The following IFT74 variants were observed in gnomAD, a reference collection of about 807,000 sequenced individuals.
IFT74 encodes intraflagellar transport 74, also known as intraflagellar transport protein 74 homolog.
In IFT74, 92 loss-of-function variants were observed where a neutral mutation model predicts 96.7. That is an observed-to-expected ratio of 0.95 (90% CI 0.80 to 1.13). The LOEUF (loss-of-function observed/expected upper bound fraction) is 1.13, where lower values mean the gene tolerates loss of function less well. Ranked by LOEUF, IFT74 falls within the 50% of genes most tolerant of loss-of-function variation. The pLI is 0.00. For missense variants in IFT74, 811 were observed against 698.2 expected (o/e 1.16, Z -1.82); for synonymous variants, 223 against 213.2 (o/e 1.05, Z -0.40).
At position 27,044,748 on chromosome 9, in the gene IFT74, T is replaced by A. The variant is rs1219617535; in HGVS notation, c.1061T>A (p.Met354Lys). The change falls in exon 14 of 20, where the codon ATG becomes AAG. Residue 354 changes from methionine to lysine, a missense_variant. Transcript: ENST00000380062. Reference protein sequence around the residue: ...DMDLEEHQGEMNQKYKELKKR... With the variant: ...DMDLEEHQGEKNQKYKELKKR... ...TATTTTATATCTCTCATAGGTGAAA[T>A]GAACCAGAAATACAAGGAGCTAAAG... 6.4e-7 allele frequency: 1 copy of A among 1,566,328 alleles called. No individual in the cohort carries two copies. Among genetic ancestry groups the A allele is most frequent in the Non-Finnish European group, 8.7e-7 (1 of 1,145,010 alleles).
chr9:27,033,930 AG>A (rs1830241345), intron 13 of IFT74, among the ~76,000 whole-genome samples: 1 of 152,184 alleles, frequency 6.6e-6, no homozygotes, highest in Non-Finnish European at 1.5e-5. Flanking sequence ...AGTTTTTGTC[AG>A]TCAAGATAAG....
chr9:27,052,507 CAAAAAAAAAAAAAA>C (rs1187027414), intron 16 of IFT74, among the ~76,000 whole-genome samples: 1 of 57,204 alleles, frequency 1.7e-5, no homozygotes, highest in Non-Finnish European at 3.5e-5. Flanking sequence ...AAATCTATCT[CAAAAAAAAAAAAAA>C]AAAAAAAAAG....
chr9:27,053,410 A>G (rs1820020091), intron 16 of IFT74, among the ~76,000 whole-genome samples: 1 of 152,164 alleles, frequency 6.6e-6, no homozygotes. Flanking sequence ...GCAAAGAGGC[A>G]AGGGATTTAT....
chr9:26,992,030 C>T (rs923556979), intron 8 of IFT74, among the ~76,000 whole-genome samples: 4 of 146,886 alleles, frequency 2.7e-5, no homozygotes, highest in African/African-American at 7.4e-5. Flanking sequence ...AGCGAGACTC[C>T]GTCTCAAAAA....
At chr9:27,000,662 C>G (rs1190690128) in intron 8 of IFT74, among the ~76,000 whole-genome samples, 1 of 152,098 alleles carries the variant, frequency 6.6e-6, no homozygotes, top group Non-Finnish European at 1.5e-5. Context: ...TCTCTTCTAG[C>G]TGTTTTTAAA....
Position 27,064,968 on chromosome 9 carries a change from G to C in IFT74, c.*2232G>C, listed in dbSNP as rs1260895690. Among the ~76,000 whole-genome samples, 1 of 152,008 alleles carries C rather than the reference G, an allele frequency of 6.6e-6. No homozygotes were observed. Among genetic ancestry groups the C allele is most frequent in the Non-Finnish European group, 1.5e-5 (1 of 67,970 alleles). ...AAATTCAAATAAAGTACTATATGCA[G>C]TTACTACTTTAACTGACAGAAAGGA... On this transcript the variant is annotated 3_prime_UTR_variant, in exon 20 of 20. Transcript: ENST00000380062.
chr9:27,039,435 G>T (rs1819366850), intron 13 of IFT74, among the ~76,000 whole-genome samples: 1 of 152,176 alleles, frequency 6.6e-6, no homozygotes, highest in Non-Finnish European at 1.5e-5. Flanking sequence ...GGTGGCTCAT[G>T]CCTGTAATTC....
intron 1 of IFT74, among the ~76,000 whole-genome samples, chr9:26,957,324 C>G (rs1213544694): frequency 6.6e-6 from 1 of 152,120 alleles, no homozygotes; most frequent in Admixed American, 6.5e-5. Context: ...AGCAGGAAAC[C>G]TAGAGTAATA....
chr9:26,952,060 G>C (rs1825951451), upstream of IFT74, among the ~76,000 whole-genome samples: 1 of 152,126 alleles, frequency 6.6e-6, no homozygotes, highest in Non-Finnish European at 1.5e-5. Flanking sequence ...TGCCCAAAGA[G>C]GAGAAAAACA....
chr9:27,055,708 C>G lies in IFT74; in HGVS notation c.1433C>G (p.Thr478Arg). Residue 478 changes from threonine (T) to arginine (R), a missense_variant, in exon 17 of 20, where the codon ACA becomes AGA. Thr to Arg is a moderately conservative substitution (Grantham distance 71). Transcript: ENST00000380062. ...HSLKSKIKQM[T>R]TDLEIYNDLP... ...CTAAAAAGCAAAATTAAGCAAATGA[C>G]AACTGATCTGGAGATATATAATGAT... is the stretch of plus-strand genomic sequence containing the variant. The G allele has an allele frequency of 6.3e-7, 1 of 1,592,986 alleles. No individual in the cohort carries two copies. The highest frequency in any genetic ancestry group is 8.5e-7 in the Non-Finnish European group (1 of 1,172,062).
chr9:26,978,621 TGG>T (rs2131526411), intron 3 of IFT74, among the ~76,000 whole-genome samples: 1 of 152,264 alleles, frequency 6.6e-6, no homozygotes, highest in African/African-American at 2.4e-5. Context: ...GAAATAGTCT[TGG>T]AGAAAAGTTC....
intron 18 of IFT74, among the ~76,000 whole-genome samples, chr9:27,058,525 G>A (rs925380140): frequency 1.3e-5 from 2 of 152,038 alleles, no homozygotes; most frequent in African/African-American, 4.8e-5. Flanking sequence ...AGCTGGGATT[G>A]TAGGCGCCAG....
At position 27,062,745 on chromosome 9, in the gene IFT74, C is replaced by A; in HGVS notation, c.*9C>A. The A allele has an allele frequency of 7.2e-7, 1 of 1,391,968 alleles. No homozygotes were observed. The highest frequency in any genetic ancestry group is 1.0e-6 in the Non-Finnish European group (1 of 986,144). 86.2% of individuals were successfully genotyped at this position (1,391,968 alleles called of 1,614,324 possible). On this transcript the variant is annotated 3_prime_UTR_variant, in exon 20 of 20. Coordinates refer to ENST00000380062, the MANE Select transcript of IFT74 (RefSeq NM_025103.4). ...GCACCAGCGGAAACTGAGTTTAAGTCCACTGAAAGTCTCTAAGGAAGTATC... is the reference window on the plus strand; with the variant it reads ...GCACCAGCGGAAACTGAGTTTAAGTACACTGAAAGTCTCTAAGGAAGTATC...
At chr9:26,995,574 C>T (rs1828102853) in intron 8 of IFT74, 4 of 1,598,224 alleles carry the variant, frequency 2.5e-6, no homozygotes, top group African/African-American at 2.7e-5. Context: ...TCAATAAATC[C>T]ATCATCATCT....
intron 18 of IFT74, among the ~76,000 whole-genome samples, chr9:27,057,395 T>C (rs1820215003): frequency 1.3e-5 from 2 of 152,142 alleles, no homozygotes; most frequent in Non-Finnish European, 2.9e-5. Context: ...GTGGTATTGG[T>C]TGGCACATAG....
intron 18 of IFT74, among the ~76,000 whole-genome samples, chr9:27,056,907 T>TAGATAGATAGATAG: frequency 7.0e-6 from 1 of 142,780 alleles, no homozygotes; most frequent in Non-Finnish European, 1.6e-5. Context: ...TAGATAGATA[T>TAGATAGATAGATAG]GTGTATACAC....
chr9:26,964,104 G>A (rs373535420), intron 2 of IFT74, among the ~76,000 whole-genome samples: 8,187 of 137,260 alleles, frequency 0.06, 236 homozygotes, highest in Middle Eastern at 0.15. Flanking sequence ...TAGGTCTAAC[G>A]TTTAAGTCTT....
intron 1 of IFT74, chr9:26,947,298 G>A: frequency 6.1e-6 from 3 of 489,366 alleles, no homozygotes. Context: ...CAGAGTGTGT[G>A]CGTCCCAACC....
rs768275975 is a variant in IFT74, at chr9:27,048,306, T to G, written c.1333+32T>G. The G allele has an allele frequency of 2.1e-6, 3 of 1,449,284 alleles. No homozygotes were observed. In the South Asian group the frequency reaches 4.0e-5, roughly 19 times the overall value. 89.8% of individuals were successfully genotyped at this position (1,449,284 alleles called of 1,614,324 possible). A position where few individuals can be genotyped will look rare whatever the true frequency, so the allele number is the denominator to read the frequency against. ...AAACAACCTAGATTTTAATATTCTTTTTTTTTAAAATATATCAATGTTATT... is the reference window on the plus strand; with the variant it reads ...AAACAACCTAGATTTTAATATTCTTGTTTTTTAAAATATATCAATGTTATT... On this transcript the variant is annotated intron_variant, in intron 16 of 19. Coordinates refer to ENST00000380062, the MANE Select transcript of IFT74 (RefSeq NM_025103.4).
Sources: gnomAD v4.1 joint callset for allele counts (sites outside exome capture counted in the v4.1 genomes callset) on GRCh38, gnomAD v4.1.1 for gene constraint, MANE v1.5 for transcripts, NCBI Gene and HGNC (gene_info 2026-07-23, HGNC 2026-07-21) for gene names.